FAAH2: variants seen among roughly 807,000 people sequenced by gnomAD.
FAAH2 encodes the protein fatty acid amide hydrolase 2, also known as fatty-acid amide hydrolase 2.
In FAAH2, 60 loss-of-function variants were observed where a neutral mutation model predicts 36.9. The ratio of observed to expected loss-of-function variants is 1.63; its 90% CI spans 1.32 to 2.02. FAAH2 has a LOEUF of 2.02. FAAH2 is among the 30% of genes most tolerant of loss of function. The probability of loss-of-function intolerance (pLI) is 0.00; values close to 1 mark genes in which losing one functional copy is unlikely to be tolerated. For missense variants in FAAH2, 689 were observed against 397.5 expected (o/e 1.73, Z -6.23); for synonymous variants, 214 against 143.8 (o/e 1.49, Z -3.49).
chrX:57,195,742 G>A, the FAAH2 span, among the ~76,000 whole-genome samples: 1 of 112,080 alleles, frequency 8.9e-6, no homozygotes, highest in African/African-American at 3.2e-5. Flanking sequence ...TCAGGTCTTA[G>A]GTTTAAGTCC....
the FAAH2 span, among the ~76,000 whole-genome samples, chrX:57,260,389 C>T: frequency 1.8e-5 from 2 of 111,793 alleles, no homozygotes; most frequent in Admixed American, 9.6e-5. Context: ...AATCTTGATC[C>T]TAAACATACA....
chrX:57,160,519 C>T, the FAAH2 span, among the ~76,000 whole-genome samples: 1 of 111,720 alleles, frequency 9.0e-6, no homozygotes, highest in African/African-American at 3.3e-5. Flanking sequence ...AATTTCAGAT[C>T]CTGTTATTGT....
intron 4 of FAAH2, among the ~76,000 whole-genome samples, chrX:57,338,134 G>T (rs1449284526): frequency 1.8e-5 from 2 of 111,634 alleles, no homozygotes; most frequent in Non-Finnish European, 3.8e-5. Context: ...AATCACCTGG[G>T]TGCAGGCGGG....
At chrX:57,441,823 G>T (rs1175672827) in intron 8 of FAAH2, among the ~76,000 whole-genome samples, 3 of 111,155 alleles carry the variant, frequency 2.7e-5, no homozygotes, top group African/African-American at 9.8e-5. Context: ...TGTTCTCATT[G>T]GTTTTGAAGA....
intron 10 of FAAH2, among the ~76,000 whole-genome samples, chrX:57,466,158 A>C (rs560064200): frequency 0.014 from 981 of 72,147 alleles, 13 homozygotes; most frequent in African/African-American, 0.054. Flanking sequence ...CTCTCTCTCT[A>C]TATATATATA....
intron 5 of FAAH2, among the ~76,000 whole-genome samples, chrX:57,365,923 G>A (rs1003385475): frequency 9.0e-5 from 10 of 111,656 alleles, no homozygotes; most frequent in African/African-American, 2.9e-4. Flanking sequence ...TCTTAAAATG[G>A]CAGCTATCTT....
the FAAH2 span, among the ~76,000 whole-genome samples, chrX:57,227,057 TTTG>T: frequency 2.7e-5 from 3 of 111,568 alleles, no homozygotes; most frequent in African/African-American, 9.8e-5. Context: ...CCCTTCACTT[TTTG>T]TATTATTTTT....
At chrX:57,182,183 A>G in the FAAH2 span, among the ~76,000 whole-genome samples, 1 of 112,544 alleles carries the variant, frequency 8.9e-6, no homozygotes, top group African/African-American at 3.2e-5. Flanking sequence ...ACTTGCAAAG[A>G]GTTTATAATG....
the FAAH2 span, among the ~76,000 whole-genome samples, chrX:57,160,670 T>TGGGA: frequency 8.9e-6 from 1 of 112,259 alleles, no homozygotes; most frequent in African/African-American, 3.2e-5. Context: ...TGTATTTCTG[T>TGGGA]GGGATCGGTA....
intron 5 of FAAH2, among the ~76,000 whole-genome samples, chrX:57,349,889 T>C (rs976920273): frequency 3.6e-5 from 4 of 110,581 alleles, no homozygotes; most frequent in Non-Finnish European, 5.7e-5. Context: ...GGTTTAGACA[T>C]CCAAACACAA....
At position 57,437,892 on chromosome X, in the gene FAAH2, T is replaced by C. The variant is rs375583787; in HGVS notation, c.1116+5855T>C. On this transcript the variant is annotated intron_variant, in intron 8 of 10. Transcript: ENST00000374900. ...ATCTGTATACATATATACATACGTA[T>C]ATGTATACACATATATACATACGTA... 3.5e-4 allele frequency among the ~76,000 whole-genome samples: 36 copies of C among 103,274 alleles called. No homozygotes were observed. In the South Asian group the frequency reaches 6.1e-3, roughly 18 times the overall value. 89.7% of individuals were successfully genotyped at this position (103,274 alleles called of 115,157 possible). A position where few individuals can be genotyped will look rare whatever the true frequency, so the allele number is the denominator to read the frequency against.
intron 2 of FAAH2, among the ~76,000 whole-genome samples, chrX:57,302,093 A>C (rs777645148): frequency 2.1e-4 from 24 of 111,663 alleles, no homozygotes; most frequent in Non-Finnish European, 3.9e-4. Context: ...CAATAGGTAT[A>C]TTCTTCCCAA....
At chrX:57,384,120 T>C (rs1422183158) in intron 7 of FAAH2, among the ~76,000 whole-genome samples, 1 of 110,652 alleles carries the variant, frequency 9.0e-6, no homozygotes, top group Non-Finnish European at 1.9e-5. Context: ...TGGCTAGCCA[T>C]ATGTAGAAAG....
At chrX:57,228,583 G>A in the FAAH2 span, among the ~76,000 whole-genome samples, 3 of 111,160 alleles carry the variant, frequency 2.7e-5, no homozygotes, top group African/African-American at 6.6e-5. Context: ...TATTGCAGTC[G>A]ATCTGGAGCT....
chrX:57,165,266 G>A, the FAAH2 span, among the ~76,000 whole-genome samples: 1 of 111,913 alleles, frequency 8.9e-6, no homozygotes, highest in Non-Finnish European at 1.9e-5. Flanking sequence ...CATTATTCAC[G>A]ATAGCAAAGA....
At chrX:57,310,414 A>G in intron 2 of FAAH2, among the ~76,000 whole-genome samples, 179 bp from the exon 3 acceptor site, 1 of 111,999 alleles carries the variant, frequency 8.9e-6, no homozygotes. Flanking sequence ...TACTGTTCTT[A>G]TGATGGATTC....
At chrX:57,446,295 T>C (rs1256025845) in intron 8 of FAAH2, among the ~76,000 whole-genome samples, 1 of 112,078 alleles carries the variant, frequency 8.9e-6, no homozygotes, top group East Asian at 2.8e-4. Flanking sequence ...GCTCATTTTA[T>C]TGGTTCTTAT....
chrX:57,367,555 A>G (rs1167070171), intron 5 of FAAH2, among the ~76,000 whole-genome samples: 1 of 112,697 alleles, frequency 8.9e-6, no homozygotes, highest in East Asian at 2.8e-4. Context: ...TGAATAAACA[A>G]CTACATTTTA....
chrX:57,139,764 A>G, the FAAH2 span, among the ~76,000 whole-genome samples: 31,806 of 110,836 alleles, frequency 0.29, 3,511 homozygotes, highest in Middle Eastern at 0.57. Context: ...CCATAGGTTT[A>G]TAGTATAATT....
Sources: gnomAD v4.1 joint callset for allele counts (sites outside exome capture counted in the v4.1 genomes callset) on GRCh38, gnomAD v4.1.1 for gene constraint, MANE v1.5 for transcripts, NCBI Gene and HGNC (gene_info 2026-07-23, HGNC 2026-07-21) for gene names.